GOLM1: variants seen among roughly 807,000 people sequenced by gnomAD.
GOLM1 encodes golgi membrane protein 1.
GOLM1 carries 31 observed loss-of-function variants against 50.5 expected under a neutral mutation model. That is an observed-to-expected ratio of 0.61 (90% CI 0.46 to 0.83). GOLM1 has a LOEUF of 0.83. GOLM1 is among the 40% of genes least tolerant of loss of function. The pLI is 0.00. For synonymous variants in GOLM1, 178 were observed against 192.8 expected (o/e 0.92, Z 0.64); for missense variants, 491 against 501.3 (o/e 0.98, Z 0.20).
chr9:86,031,276 C>G (rs541863036), intron 9 of GOLM1, among the ~76,000 whole-genome samples: 4 of 151,760 alleles, frequency 2.6e-5, no homozygotes, highest in African/African-American at 9.7e-5. Flanking sequence ...GTAGTTGTTA[C>G]AACGACTCCT....
intron 3 of GOLM1, among the ~76,000 whole-genome samples, chr9:86,068,656 C>A (rs62573249): frequency 1.3e-5 from 2 of 152,246 alleles, no homozygotes. Flanking sequence ...ACAACCCGTT[C>A]CCACTGAGCT....
intron 3 of GOLM1, among the ~76,000 whole-genome samples, chr9:86,069,706 G>A (rs1269710458): frequency 6.6e-6 from 1 of 152,084 alleles, no homozygotes; most frequent in African/African-American, 2.4e-5. Context: ...ATGGGCAGAG[G>A]GTTAGCTGAG....
intron 1 of GOLM1, chr9:86,084,841 A>G (rs1237416677): frequency 6.6e-6 from 1 of 152,182 alleles, no homozygotes; most frequent in Non-Finnish European, 1.5e-5. Flanking sequence ...CGAGGTCAGG[A>G]GTTCAAGACC....
chr9:86,044,781 A>G (rs949432009), intron 5 of GOLM1, among the ~76,000 whole-genome samples: 1 of 152,166 alleles, frequency 6.6e-6, no homozygotes, highest in East Asian at 1.9e-4. Flanking sequence ...GTGAAACCCC[A>G]TCTCTACTAA....
chr9:86,069,015 A>G (rs1178822211), intron 3 of GOLM1, among the ~76,000 whole-genome samples: 1 of 152,158 alleles, frequency 6.6e-6, no homozygotes, highest in Non-Finnish European at 1.5e-5. Flanking sequence ...AGAAATGGCT[A>G]AACGTTTTAT....
intron 3 of GOLM1, among the ~76,000 whole-genome samples, chr9:86,067,839 C>T (rs555365938): frequency 1.3e-3 from 195 of 152,136 alleles, no homozygotes; most frequent in Non-Finnish European, 2.3e-3. Context: ...CCCATCTCTA[C>T]TAAAAATACA....
At chr9:86,090,694 T>C (rs1307820104) in intron 1 of GOLM1, among the ~76,000 whole-genome samples, 1 of 147,016 alleles carries the variant, frequency 6.8e-6, no homozygotes, top group Non-Finnish European at 1.5e-5. Context: ...TGGAATCCAA[T>C]GAGTTAGACC....
chr9:86,061,224 C>T lies in GOLM1; in HGVS notation c.310-8633G>A, dbSNP rs553004792. ...CTTGCCACATTGATAATTAAATCTG[C>T]CAAGTACAATTTTTTAAAAATCTTA... On this transcript the variant is annotated intron_variant, in intron 3 of 9. Transcript: ENST00000388712. Among the ~76,000 whole-genome samples the T allele has an allele frequency of 8.5e-5, 13 of 152,136 alleles. No individual in the cohort carries two copies. The East Asian group carries it at 2.5e-3, about 29-fold the overall frequency.
rs187400851 is a variant in GOLM1 at position 86,095,467 on chromosome 9, C to T, written c.-22+3944G>A. The stretch of plus-strand genomic sequence containing the variant: ...TTCACCATGTTGGCCAGGTTGGTCT[C>T]GAACTCCTGACTTGAAGTGATCCGC... On this transcript the variant is annotated intron_variant, in intron 1 of 9. Coordinates refer to ENST00000388712, the MANE Select transcript of GOLM1 (RefSeq NM_016548.4). 4.2e-3 allele frequency among the ~76,000 whole-genome samples: 632 copies of T among 150,864 alleles called. 4 individuals carry two copies. Among genetic ancestry groups the T allele is most frequent in the African/African-American group, 0.014 (568 of 40,980 alleles).
chr9:86,083,640 G>A (rs778918607), intron 1 of GOLM1, among the ~76,000 whole-genome samples: 103 of 152,174 alleles, frequency 6.8e-4, no homozygotes, highest in Non-Finnish European at 7.9e-4. Flanking sequence ...TGCCTGCCTC[G>A]GCCTCCCAAA....
At chr9:86,035,654 C>CT in intron 7 of GOLM1, 29 bp from the exon 8 acceptor site, 1 of 1,389,418 alleles carries the variant, frequency 7.2e-7, no homozygotes, top group Non-Finnish European at 9.8e-7. Context: ...TAGCTGTGAC[C>CT]TTGCCAGCAT....
chr9:86,093,857 T>C (rs1033534885), intron 1 of GOLM1, among the ~76,000 whole-genome samples: 10 of 152,186 alleles, frequency 6.6e-5, no homozygotes, highest in Non-Finnish European at 1.3e-4. Flanking sequence ...AGCAAATATA[T>C]AGGAGCAATC....
At chr9:86,085,453 G>T (rs201292148) in intron 1 of GOLM1, among the ~76,000 whole-genome samples, 2,085 of 92,244 alleles carry the variant, frequency 0.023, 11 homozygotes, top group Non-Finnish European at 0.03. Context: ...CAAAGTTTTT[G>T]TTTTTTTTTT....
At chr9:86,066,191 T>C in intron 3 of GOLM1, among the ~76,000 whole-genome samples, 1 of 152,208 alleles carries the variant, frequency 6.6e-6, no homozygotes, top group East Asian at 1.9e-4. Context: ...TTGAGGGAAG[T>C]GACCCCATCC....
rs180866420 is a variant in GOLM1 at position 86,047,499 on chromosome 9, G to C, written c.365-927C>G. Among the ~76,000 whole-genome samples, 610 of 152,274 alleles carry C rather than the reference G, an allele frequency of 4.0e-3. 5 individuals carry two copies. Among genetic ancestry groups the C allele is most frequent in the African/African-American group, 0.014 (576 of 41,548 alleles). ...TCAAGAGACAAAGCTGTGGCGAAGA[G>C]AACAGCTGGGTGGGTGCTGGGCCTA... is the stretch of plus-strand genomic sequence containing the variant. On this transcript the variant is annotated intron_variant, in intron 4 of 9. Coordinates refer to ENST00000388712, the MANE Select transcript of GOLM1 (RefSeq NM_016548.4).
intron 3 of GOLM1, among the ~76,000 whole-genome samples, chr9:86,059,899 CAA>C (rs139699884): frequency 0.22 from 11,029 of 50,994 alleles, 381 homozygotes; most frequent in East Asian, 0.42. Flanking sequence ...GAGTCTATCT[CAA>C]AAAAAAAAAA....
intron 1 of GOLM1, chr9:86,079,759 T>G (rs894427693): frequency 1.9e-5 from 3 of 155,748 alleles, no homozygotes; most frequent in African/African-American, 7.2e-5. Flanking sequence ...TAAACACCAA[T>G]AACAAATATT....
At chr9:86,049,984 T>C (rs537628415) in intron 4 of GOLM1, among the ~76,000 whole-genome samples, 95 of 152,340 alleles carry the variant, frequency 6.2e-4, no homozygotes, top group Non-Finnish European at 1.1e-3. Context: ...GCCCATTCAG[T>C]ATGATAATGG....
intron 3 of GOLM1, among the ~76,000 whole-genome samples, chr9:86,068,216 C>T (rs1022545651): frequency 5.9e-5 from 9 of 152,200 alleles, no homozygotes; most frequent in Non-Finnish European, 1.3e-4. Flanking sequence ...AGCTGAGGAA[C>T]GTCAAAGGTG....
Sources: gnomAD v4.1 joint callset for allele counts (sites outside exome capture counted in the v4.1 genomes callset) on GRCh38, gnomAD v4.1.1 for gene constraint, MANE v1.5 for transcripts, NCBI Gene and HGNC (gene_info 2026-07-23, HGNC 2026-07-21) for gene names.